RAB35: variants seen among roughly 807,000 people sequenced by gnomAD.
RAB35 encodes ras-related protein Rab-35.
In RAB35, 4 loss-of-function variants were observed where a neutral mutation model predicts 28.9. The ratio of observed to expected loss-of-function variants is 0.14; its 90% CI spans 0.07 to 0.32. The LOEUF (loss-of-function observed/expected upper bound fraction) is 0.32, where lower values mean the gene tolerates loss of function less well. Ranked by LOEUF, RAB35 falls within the 10% of genes least tolerant of loss-of-function variation. The pLI, the probability that RAB35 is intolerant of heterozygous loss-of-function variation, is 1.00. For synonymous variants in RAB35, 99 were observed against 105.1 expected, an observed-to-expected ratio of 0.94 and a Z score of 0.35; for missense variants, 128 against 274.0, an observed-to-expected ratio of 0.47 and a Z score of 3.76.
chr12:120,106,030 C>CA (rs1355833361), intron 2 of RAB35, among the ~76,000 whole-genome samples: 1 of 150,672 alleles, frequency 6.6e-6, no homozygotes, highest in East Asian at 1.9e-4. Flanking sequence ...GGTTTTTAAA[C>CA]AGAGAAAAGA....
chr12:120,102,531 G>A (rs773063965), intron 3 of RAB35, among the ~76,000 whole-genome samples: 2 of 152,120 alleles, frequency 1.3e-5, no homozygotes, highest in Admixed American at 6.5e-5. Context: ...CGGGCATCAC[G>A]GGCCACAGCA....
Position 120,103,911 on chromosome 12 carries a change from G to A in RAB35, c.142C>T (p.Arg48Trp), listed in dbSNP as rs1261521534. Residue 48 changes from arginine to tryptophan, a missense_variant, in exon 3 of 6, where the codon CGG becomes TGG. Coordinates refer to ENST00000229340, the MANE Select transcript of RAB35 (RefSeq NM_006861.7). The surrounding 1 kb of genome is among the most constrained non-coding windows in gnomAD (Gnocchi z 6.1). ...ITTIGVDFKI[R>W]TVEINGEKVK... ...TTCTCCCCGTTGATCTCCACGGTCC[G>A]GATCTTGAAATCCACTCCGATCGTG... The A allele has an allele frequency of 5.6e-6, 9 of 1,613,996 alleles. No homozygotes were observed. The highest frequency in any genetic ancestry group is 2.2e-5 in the East Asian group (1 of 44,894).
chr12:120,101,937 C>T (rs1875675431), intron 3 of RAB35, among the ~76,000 whole-genome samples: 1 of 152,236 alleles, frequency 6.6e-6, no homozygotes, highest in Non-Finnish European at 1.5e-5. Context: ...GCTGTGGCTC[C>T]TCCTGCTGAA....
At chr12:120,100,631 C>A (rs1875619771) in intron 3 of RAB35, among the ~76,000 whole-genome samples, 1 of 152,148 alleles carries the variant, frequency 6.6e-6, no homozygotes, top group Admixed American at 6.5e-5. Context: ...GCCCAACCTG[C>A]CCCTGCCACC....
Position 120,099,065 on chromosome 12 carries a change from A to AT in RAB35, c.316dup (p.Ile106AsnfsTer6). The AT allele has an allele frequency of 6.2e-7, 1 of 1,613,432 alleles. No homozygotes were observed. ...GCACACATCATCACAGTTCTGGTTG[A>AT]TTTCGTGAAGCCACCGCTTGACGTT... On this transcript the variant is annotated frameshift_variant, in exon 4 of 6. Coordinates refer to ENST00000229340, the MANE Select transcript of RAB35 (RefSeq NM_006861.7). LOFTEE classifies it high-confidence loss of function.
Position 120,108,427 on chromosome 12 carries a change from G to A in RAB35, c.93C>T (p.Asn31=), listed in dbSNP as rs1220978416. 1 of 1,613,820 alleles carries A rather than the reference G, an allele frequency of 6.2e-7. No homozygotes were observed. Among genetic ancestry groups the A allele is most frequent in the South Asian group, 1.1e-5 (1 of 91,068 alleles). The change falls in exon 2 of 6, where the codon AAC becomes AAT. Residue 31 remains asparagine, a synonymous_variant. Transcript: ENST00000229340. The stretch of plus-strand genomic sequence containing the variant: ...CAGGGGAGGACTCACCTGAGAAAGT[G>A]TTGTCTGCAAAACGCAACAGTAAAC... ...KSSLLLRFAD[N]TFSGSYITTI...
intron 3 of RAB35, 50 bp from the exon 4 acceptor site, chr12:120,099,204 C>A (rs1277045469): frequency 3.7e-6 from 6 of 1,610,132 alleles, no homozygotes; most frequent in Non-Finnish European, 5.1e-6. Flanking sequence ...AGGAGTCACC[C>A]CCTTGCCGGG....
chr12:120,112,729 C>CTT lies in RAB35; in HGVS notation c.52+3868_52+3869dup, dbSNP rs34089715. 8.8e-4 allele frequency among the ~76,000 whole-genome samples: 126 copies of CTT among 142,566 alleles called. 1 individual carries two copies. Among genetic ancestry groups the CTT allele is most frequent in the African/African-American group, 1.4e-3 (55 of 38,030 alleles). 93.5% of individuals were successfully genotyped at this position (142,566 alleles called of 152,430 possible). On this transcript the variant is annotated intron_variant, in intron 1 of 5. Transcript: ENST00000229340. Reference sequence around the variant, plus strand: ...CAGGTGTGAGCTACCGTGCCTGGACCTTTTTTTTTTTTTGAGACAGTGTCT... The same window carrying CTT: ...CAGGTGTGAGCTACCGTGCCTGGACCTTTTTTTTTTTTTTTGAGACAGTGTCT...
intron 1 of RAB35, among the ~76,000 whole-genome samples, chr12:120,109,346 G>A (rs57339959): frequency 0.058 from 8,827 of 152,184 alleles, 514 homozygotes; most frequent in African/African-American, 0.15. Flanking sequence ...CCAGCTACTC[G>A]GGAGACTGAG....
chr12:120,113,201 T>C (rs1282927953), intron 1 of RAB35, among the ~76,000 whole-genome samples: 1 of 150,916 alleles, frequency 6.6e-6, no homozygotes, highest in African/African-American at 2.4e-5. Context: ...CTTTTTTTTT[T>C]TTTTTTTTTA....
rs997173082 is a variant in RAB35 at position 120,107,209 on chromosome 12, G to T, written c.103+1208C>A. 2.1e-5 allele frequency among the ~76,000 whole-genome samples: 3 copies of T among 141,032 alleles called. No homozygotes were observed. In the South Asian group the frequency reaches 7.0e-4, roughly 33 times the overall value. 92.5% of individuals were successfully genotyped at this position (141,032 alleles called of 152,430 possible). ...TCACCATGTTGGTCAGGCTGGTCTCGAACTCCTGACCTCATGATCCACCCG... is the reference window on the plus strand; with the variant it reads ...TCACCATGTTGGTCAGGCTGGTCTCTAACTCCTGACCTCATGATCCACCCG... On this transcript the variant is annotated intron_variant, in intron 2 of 5. Transcript: ENST00000229340.
At chr12:120,116,290 G>C (rs552996737) in intron 1 of RAB35, among the ~76,000 whole-genome samples, 216 of 152,276 alleles carry the variant, frequency 1.4e-3, no homozygotes, top group Non-Finnish European at 2.6e-3. Context: ...CGCGAGGCAG[G>C]TGGTAGTCCT....
In RAB35 at chr12:120,096,622, T is replaced by C; in HGVS notation, c.*623A>G. The C allele has an allele frequency of 7.8e-7, 1 of 1,289,874 alleles. No individual in the cohort carries two copies. Among genetic ancestry groups the C allele is most frequent in the Non-Finnish European group, 1.0e-6 (1 of 988,884 alleles). 79.9% of individuals were successfully genotyped at this position (1,289,874 alleles called of 1,614,324 possible). On this transcript the variant is annotated 3_prime_UTR_variant, in exon 6 of 6. Transcript: ENST00000229340. ...CCTCTGTGGAACTGCAGGGCCTGCC[T>C]TGAGACCAGGTTCCCCAGCTCCCAG... is the stretch of plus-strand genomic sequence containing the variant.
At chr12:120,107,389 G>C (rs1202260903) in intron 2 of RAB35, among the ~76,000 whole-genome samples, 1 of 152,186 alleles carries the variant, frequency 6.6e-6, no homozygotes, top group East Asian at 1.9e-4. Context: ...AGCTCAGCAA[G>C]AATGAAGACA....
chr12:120,116,517 T>C (rs1309791764), intron 1 of RAB35, 82 bp downstream of exon 1: 406 of 778,448 alleles, frequency 5.2e-4, no homozygotes, highest in Non-Finnish European at 6.1e-4. Context: ...GGCCGGCACC[T>C]CCCCGCCCGC....
chr12:120,113,276 G>A (rs73410876), intron 1 of RAB35, among the ~76,000 whole-genome samples: 2,625 of 143,628 alleles, frequency 0.018, 77 homozygotes, highest in African/African-American at 0.064. Context: ...TGTTCCTCCC[G>A]CCTCATCCTC....
intron 1 of RAB35, 188 bp from the exon 2 acceptor site, chr12:120,108,655 C>G (rs899734021): frequency 3.4e-5 from 24 of 700,386 alleles, no homozygotes; most frequent in Admixed American, 6.1e-5. Flanking sequence ...CCACTCGATC[C>G]CTGACCTTTT....
At position 120,096,610 on chromosome 12, in the gene RAB35, G is replaced by C. The variant is rs1161468331; in HGVS notation, c.*635C>G. ...CAAGACCTGCCACCTCTGTGGAACTGCAGGGCCTGCCTTGAGACCAGGTTC... is the reference window on the plus strand; with the variant it reads ...CAAGACCTGCCACCTCTGTGGAACTCCAGGGCCTGCCTTGAGACCAGGTTC... On this transcript the variant is annotated 3_prime_UTR_variant, in exon 6 of 6. Transcript: ENST00000229340. The C allele has an allele frequency of 1.6e-6, 2 of 1,289,898 alleles. No individual in the cohort carries two copies. Among genetic ancestry groups the C allele is most frequent in the East Asian group, 1.1e-4 (2 of 18,022 alleles). 79.9% of individuals were successfully genotyped at this position (1,289,898 alleles called of 1,614,324 possible). A position where few individuals can be genotyped will look rare whatever the true frequency, so the allele number is the denominator to read the frequency against.
At position 120,103,801 on chromosome 12, in the gene RAB35, GGTGGGAGTGGGC is replaced by G. The variant is rs764703975; in HGVS notation, c.227+13_227+24del. On this transcript the variant is annotated intron_variant, in intron 3 of 5. Transcript: ENST00000229340. The surrounding 1 kb of genome is among the most constrained non-coding windows in gnomAD (Gnocchi z 6.1). ...GTCCACAGGTCAGTGGCGCGGGTTG[GGTGGGAGTGGGC>G]GTGTGGACTCACGTGGAGGTGATGG... 5.0e-6 allele frequency: 8 copies of G among 1,612,766 alleles called. No homozygotes were observed. The African/African-American group carries it at 1.1e-4, about 22-fold the overall frequency.
Sources: allele counts gnomAD v4.1 joint callset (sites outside exome capture counted in the v4.1 genomes callset), GRCh38; gene constraint gnomAD v4.1.1; non-coding constraint Gnocchi (gnomAD v3.1); transcripts MANE v1.5; gene names NCBI Gene and HGNC (gene_info 2026-07-23, HGNC 2026-07-21).